The following GRHL1 variants were observed in gnomAD, a reference collection of about 807,000 sequenced individuals.
GRHL1 encodes grainyhead like transcription factor 1.
Under a neutral mutation model 75.7 loss-of-function variants are expected in GRHL1, and 38 were observed. The observed-to-expected ratio is 0.50, with a 90% confidence interval of 0.39 to 0.66. GRHL1 has a LOEUF of 0.66. Among genes scored for constraint, GRHL1 ranks in the 30% least tolerant of loss-of-function variants. GRHL1 has a pLI of 0.00. For missense variants in GRHL1, 589 were observed against 767.5 expected (o/e 0.77, Z 2.75); for synonymous variants, 266 against 279.4 (o/e 0.95, Z 0.48).
At chr2:9,961,736 G>GTAGA (rs1234905115) in intron 4 of GRHL1, among the ~76,000 whole-genome samples, 4 of 152,126 alleles carry the variant, frequency 2.6e-5, no homozygotes, top group African/African-American at 9.7e-5. Flanking sequence ...TTGACCACAG[G>GTAGA]TAGATTCTCC....
intron 8 of GRHL1, among the ~76,000 whole-genome samples, chr2:9,970,225 C>T (rs1016166636): frequency 2.0e-5 from 3 of 152,242 alleles, no homozygotes; most frequent in Non-Finnish European, 2.9e-5. Context: ...TAAATCCTTA[C>T]ACTGTAAGGT....
chr2:9,967,361 G>C (rs59345896), intron 8 of GRHL1, among the ~76,000 whole-genome samples: 33,581 of 152,284 alleles, frequency 0.22, 4,043 homozygotes, highest in African/African-American at 0.31. Context: ...CGCTTTGTTT[G>C]TTTGATGTGT....
intron 15 of GRHL1, among the ~76,000 whole-genome samples, chr2:10,000,205 C>G (rs1300286494): frequency 6.6e-6 from 1 of 152,178 alleles, no homozygotes; most frequent in Non-Finnish European, 1.5e-5. Context: ...AGGCTGGTCT[C>G]AAACTCTTGG....
intron 8 of GRHL1, among the ~76,000 whole-genome samples, chr2:9,977,330 T>G (rs529677077): frequency 6.6e-6 from 1 of 152,030 alleles, no homozygotes; most frequent in South Asian, 2.1e-4. Context: ...TGGAAGAAAT[T>G]TTTTTTTTCA....
At chr2:9,991,982 C>T (rs762244914) in intron 10 of GRHL1, 25 bp from the exon 11 acceptor site, 8 of 1,536,078 alleles carry the variant, frequency 5.2e-6, no homozygotes, top group Non-Finnish European at 2.6e-6. Flanking sequence ...TTGGCTTCCT[C>T]TTTTTTAATT....
At position 9,951,882 on chromosome 2, in the gene GRHL1, G is replaced by C; in HGVS notation, c.20+29G>C. ...AGTGAGGCGCAGGAGTCCGGCCGCC[G>C]CGGGGGGGCCGCGCTGAGGGGCCGC... On this transcript the variant is annotated intron_variant, in intron 1 of 15. Coordinates refer to ENST00000324907, the MANE Select transcript of GRHL1 (RefSeq NM_198182.3). The surrounding 1 kb of genome is among the most constrained non-coding windows in gnomAD (Gnocchi z 4.2). The C allele has an allele frequency of 3.5e-6, 5 of 1,431,516 alleles. No individual in the cohort carries two copies. Among genetic ancestry groups the C allele is most frequent in the Non-Finnish European group, 4.6e-6 (5 of 1,078,902 alleles). The allele number at this position is 1,431,516 out of a possible 1,614,324, so 88.7% of individuals were successfully genotyped here. A position where few individuals can be genotyped will look rare whatever the true frequency, so the allele number is the denominator to read the frequency against.
chr2:9,957,221 C>T (rs1667067249), intron 2 of GRHL1, among the ~76,000 whole-genome samples: 11 of 151,798 alleles, frequency 7.2e-5, no homozygotes, highest in Admixed American at 7.2e-4. Context: ...AAATTCCTGG[C>T]CTCAGGTAAT....
At chr2:9,991,070 T>C (rs1299540660) in intron 10 of GRHL1, among the ~76,000 whole-genome samples, 3 of 152,198 alleles carry the variant, frequency 2.0e-5, no homozygotes, top group Non-Finnish European at 4.4e-5. Context: ...CTGTTAAAAT[T>C]GGGACTTATC....
chr2:9,994,624 C>T (rs999225869), intron 12 of GRHL1, among the ~76,000 whole-genome samples: 1 of 152,110 alleles, frequency 6.6e-6, no homozygotes, highest in African/African-American at 2.4e-5. Flanking sequence ...TGAGTCCTGC[C>T]GGCACTTTCA....
In GRHL1 at chr2:9,995,945, G is replaced by A; in HGVS notation, c.1566G>A (p.Leu522=). The A allele has an allele frequency of 6.2e-7, 1 of 1,609,670 alleles. No homozygotes were observed. Among genetic ancestry groups the A allele is most frequent in the Non-Finnish European group, 8.5e-7 (1 of 1,175,826 alleles). The change falls in exon 13 of 16, where the codon CTG becomes CTA. Residue 522 remains leucine (L), a synonymous_variant. Coordinates refer to ENST00000324907, the MANE Select transcript of GRHL1 (RefSeq NM_198182.3). ...DDFAVPPSTK[L]ARIEEPKRVL... ...TTGCTGTCCCTCCTTCTACCAAGCT[G>A]GCCCGGATAGAAGAACCAAAGAGAG...
chr2:9,998,607 T>TAC (rs1422044885), intron 14 of GRHL1, among the ~76,000 whole-genome samples: 1 of 57,660 alleles, frequency 1.7e-5, no homozygotes, highest in South Asian at 3.9e-4. Context: ...CACATATATA[T>TAC]ATACATATAT....
intron 8 of GRHL1, among the ~76,000 whole-genome samples, chr2:9,970,279 A>G (rs746319160): frequency 6.6e-6 from 1 of 152,258 alleles, no homozygotes; most frequent in Non-Finnish European, 1.5e-5. Context: ...TTTTAAAAAT[A>G]GTTAACAGCA....
In GRHL1 at chr2:9,951,742, C is replaced by A; in HGVS notation, c.-92C>A. On this transcript the variant is annotated 5_prime_UTR_variant, in exon 1 of 16. Transcript: ENST00000324907. This position sits in a 1 kb window ranked among gnomAD's most constrained non-coding sequence, Gnocchi z 4.2. ...CGTCGGGGCCGCCGCTCCGGACCCG[C>A]AGCCGCCGCCGCCGCCTCCTCCCCC... is the stretch of plus-strand genomic sequence containing the variant. 8.0e-7 allele frequency: 1 copy of A among 1,244,278 alleles called. No individual in the cohort carries two copies. Among genetic ancestry groups the A allele is most frequent in the Non-Finnish European group, 1.1e-6 (1 of 909,944 alleles). The allele number at this position is 1,244,278 out of a possible 1,614,324, so 77.1% of individuals were successfully genotyped here. A position where few individuals can be genotyped will look rare whatever the true frequency, so the allele number is the denominator to read the frequency against.
chr2:9,991,448 G>A (rs961988997), intron 10 of GRHL1, among the ~76,000 whole-genome samples: 2 of 152,208 alleles, frequency 1.3e-5, no homozygotes, highest in Non-Finnish European at 2.9e-5. Context: ...TGACACTTCA[G>A]AGAGCAGCTG....
At chr2:9,998,481 C>CATATATACGT (rs1553306831) in intron 14 of GRHL1, among the ~76,000 whole-genome samples, 1 of 3,560 alleles carries the variant, frequency 2.8e-4, no homozygotes, top group Non-Finnish European at 4.6e-4. Context: ...TATATATATA[C>CATATATACGT]ATATATATAC....
chr2:9,957,824 T>C (rs1358062192), intron 2 of GRHL1, among the ~76,000 whole-genome samples: 1 of 152,232 alleles, frequency 6.6e-6, no homozygotes, highest in African/African-American at 2.4e-5. Flanking sequence ...TAAATCTCAG[T>C]TGAGTTATTT....
At chr2:9,972,286 G>A (rs1667760975) in intron 8 of GRHL1, among the ~76,000 whole-genome samples, 1 of 149,786 alleles carries the variant, frequency 6.7e-6, no homozygotes, top group Non-Finnish European at 1.5e-5. Flanking sequence ...TTTTTTGACA[G>A]CTTGTCACCT....
chr2:9,995,076 T>C (rs1047014291), intron 12 of GRHL1, among the ~76,000 whole-genome samples: 1 of 152,188 alleles, frequency 6.6e-6, no homozygotes, highest in Non-Finnish European at 1.5e-5. Flanking sequence ...CTCTGCCATG[T>C]AAAATTTAAT....
intron 8 of GRHL1, among the ~76,000 whole-genome samples, chr2:9,969,042 T>C (rs1445259734): frequency 1.3e-5 from 2 of 152,208 alleles, no homozygotes; most frequent in Non-Finnish European, 2.9e-5. Flanking sequence ...ACAATTTCAG[T>C]ATTTCCAAAA....
Sources: allele counts gnomAD v4.1 joint callset (sites outside exome capture counted in the v4.1 genomes callset), GRCh38; gene constraint gnomAD v4.1.1; non-coding constraint Gnocchi (gnomAD v3.1); transcripts MANE v1.5; gene names NCBI Gene and HGNC (gene_info 2026-07-23, HGNC 2026-07-21).